NALF1: variants seen among roughly 807,000 people sequenced by gnomAD.
The protein encoded by NALF1 is NALCN channel auxiliary factor 1.
In NALF1, 3 loss-of-function variants were observed where a neutral mutation model predicts 48.4. The observed-to-expected ratio is 0.06, with a 90% confidence interval of 0.03 to 0.16. The LOEUF is 0.16. NALF1 is among the 10% of genes least tolerant of loss of function. The pLI is 1.00. For synonymous variants in NALF1, 262 were observed against 245.7 expected, an observed-to-expected ratio of 1.07 and a Z score of -0.62; for missense variants, 526 against 571.5, an observed-to-expected ratio of 0.92 and a Z score of 0.81.
intron 1 of NALF1, among the ~76,000 whole-genome samples, chr13:107,460,150 C>G (rs555924146): frequency 1.3e-5 from 2 of 152,306 alleles, no homozygotes; most frequent in South Asian, 4.1e-4. Context: ...TTCTTTATAT[C>G]TCACTTCTTT....
intron 1 of NALF1, among the ~76,000 whole-genome samples, chr13:107,288,368 C>G (rs1191742494): frequency 4.0e-5 from 6 of 150,042 alleles, no homozygotes; most frequent in African/African-American, 1.5e-4. Context: ...TACAGGCACC[C>G]GCCACCACAG....
At chr13:107,844,198 T>A (rs1594309870) in intron 1 of NALF1, among the ~76,000 whole-genome samples, 1 of 151,652 alleles carries the variant, frequency 6.6e-6, no homozygotes, top group Non-Finnish European at 1.5e-5. Context: ...ATAAAGACAG[T>A]CTGTTGAGTA....
intron 1 of NALF1, among the ~76,000 whole-genome samples, chr13:107,433,812 C>T (rs2139019662): frequency 6.6e-6 from 1 of 152,210 alleles, no homozygotes; most frequent in East Asian, 1.9e-4. Context: ...TAAATGAACT[C>T]CCAGATGCTC....
rs201408464 is a variant in NALF1, at chr13:107,543,697, G to GTA, written c.915+321983_915+321984dup. On this transcript the variant is annotated intron_variant, in intron 1 of 2. Coordinates refer to ENST00000375915, the MANE Select transcript of NALF1 (RefSeq NM_001080396.3). Reference sequence around the variant, plus strand: ...GGTATATATATACGCGTATATACACGTATATATATACACACACACATACAT... The same window carrying GTA: ...GGTATATATATACGCGTATATACACGTATATATATATACACACACACATACAT... Among the ~76,000 whole-genome samples the GTA allele has an allele frequency of 4.4e-3, 665 of 151,366 alleles. 5 individuals are homozygous for GTA. Among genetic ancestry groups the GTA allele is most frequent in the African/African-American group, 0.015 (619 of 41,220 alleles).
intron 1 of NALF1, among the ~76,000 whole-genome samples, chr13:107,534,282 C>G (rs1876735550): frequency 6.6e-6 from 1 of 151,988 alleles, no homozygotes; most frequent in African/African-American, 2.4e-5. Context: ...TTTGCCTCAT[C>G]TTCCAATTAA....
At chr13:107,510,753 C>A (rs117344120) in intron 1 of NALF1, among the ~76,000 whole-genome samples, 1 of 152,070 alleles carries the variant, frequency 6.6e-6, no homozygotes, top group African/African-American at 2.4e-5. Context: ...CATGATGGAC[C>A]ACGAGCTCTG....
At position 107,866,735 on chromosome 13, in the gene NALF1, C is replaced by A; in HGVS notation, c.-139G>T. The A allele has an allele frequency of 1.5e-6, 1 of 649,768 alleles. No individual in the cohort carries two copies. The allele number at this position is 649,768 out of a possible 1,614,324, so 40.3% of individuals were successfully genotyped here. ...TTCTCTCTCCTCTCTCTCTTTCTCT[C>A]TCTTCCCCTCTCCCTCTCTCCTCTC... On this transcript the variant is annotated 5_prime_UTR_variant, in exon 1 of 3. Coordinates refer to ENST00000375915, the MANE Select transcript of NALF1 (RefSeq NM_001080396.3). The surrounding 1 kb of genome is among the most constrained non-coding windows in gnomAD (Gnocchi z 4.4).
intron 1 of NALF1, among the ~76,000 whole-genome samples, chr13:107,526,025 ATAT>A (rs2014639598): frequency 1.3e-5 from 2 of 152,038 alleles, no homozygotes; most frequent in Non-Finnish European, 2.9e-5. Flanking sequence ...TGATTTTATA[ATAT>A]TATACACACA....
At chr13:107,474,580 A>G (rs747493442) in intron 1 of NALF1, among the ~76,000 whole-genome samples, 1 of 152,226 alleles carries the variant, frequency 6.6e-6, no homozygotes, top group Non-Finnish European at 1.5e-5. Flanking sequence ...ATACACATAC[A>G]TACATACAGA....
At chr13:107,655,572 A>T (rs1237150505) in intron 1 of NALF1, among the ~76,000 whole-genome samples, 1 of 152,160 alleles carries the variant, frequency 6.6e-6, no homozygotes. Context: ...TATTGTGAAA[A>T]TGACCATACT....
At chr13:107,344,036 G>A (rs1882730567) in intron 1 of NALF1, among the ~76,000 whole-genome samples, 1 of 151,886 alleles carries the variant, frequency 6.6e-6, no homozygotes, top group Non-Finnish European at 1.5e-5. Context: ...TGCCAAAAAA[G>A]GAGATAATAA....
intron 1 of NALF1, among the ~76,000 whole-genome samples, chr13:107,579,866 A>C (rs565382033): frequency 1.3e-5 from 2 of 152,064 alleles, no homozygotes; most frequent in African/African-American, 4.8e-5. Context: ...AAACTAGTTC[A>C]ACCATTGTGG....
chr13:107,597,882 A>G (rs541149699), intron 1 of NALF1, among the ~76,000 whole-genome samples: 23 of 152,316 alleles, frequency 1.5e-4, no homozygotes, highest in African/African-American at 5.5e-4. Context: ...TACTACTTAA[A>G]CCAAATTTTC....
intron 1 of NALF1, among the ~76,000 whole-genome samples, chr13:107,217,601 C>T (rs2138811809): frequency 6.6e-6 from 1 of 152,246 alleles, no homozygotes. Context: ...ACCTCAAGCA[C>T]TACAAACTCT....
chr13:107,232,405 G>A (rs1439299771), intron 1 of NALF1, among the ~76,000 whole-genome samples: 1 of 152,140 alleles, frequency 6.6e-6, no homozygotes, highest in Non-Finnish European at 1.5e-5. Context: ...CATTATGAGC[G>A]AACTGAGAAA....
At chr13:107,349,683 G>T (rs533726497) in intron 1 of NALF1, among the ~76,000 whole-genome samples, 1 of 150,368 alleles carries the variant, frequency 6.7e-6, no homozygotes, top group Non-Finnish European at 1.5e-5. Context: ...AGAGATTTCA[G>T]TGAGCCGAGA....
chr13:107,249,968 G>C (rs9514638), intron 1 of NALF1, among the ~76,000 whole-genome samples: 29,672 of 151,982 alleles, frequency 0.2, 3,546 homozygotes, highest in South Asian at 0.41. Flanking sequence ...AGTATCACTT[G>C]ATGAGTTTTA....
intron 1 of NALF1, among the ~76,000 whole-genome samples, chr13:107,549,398 A>G (rs555593701): frequency 6.6e-6 from 1 of 152,330 alleles, no homozygotes; most frequent in African/African-American, 2.4e-5. Context: ...CTCTAAGAAC[A>G]TAAACTAAAA....
chr13:107,301,719 T>C (rs1391724870), intron 1 of NALF1, among the ~76,000 whole-genome samples: 1 of 152,220 alleles, frequency 6.6e-6, no homozygotes, highest in Non-Finnish European at 1.5e-5. Context: ...AATTAACATG[T>C]TTTGGCCACT....
Sources: allele counts gnomAD v4.1 joint callset (sites outside exome capture counted in the v4.1 genomes callset), GRCh38; gene constraint gnomAD v4.1.1; non-coding constraint Gnocchi (gnomAD v3.1); transcripts MANE v1.5; gene names NCBI Gene and HGNC (gene_info 2026-07-23, HGNC 2026-07-21).